The following CD200R1L variants were observed in gnomAD, a reference collection of about 807,000 sequenced individuals.
CD200R1L encodes the protein CD200 receptor 1 like.
A neutral mutation model predicts 24.8 loss-of-function variants in CD200R1L; 14 were observed. That is an observed-to-expected ratio of 0.56 (90% CI 0.37 to 0.88). CD200R1L has a LOEUF of 0.88. Among genes scored for constraint, CD200R1L ranks in the 40% least tolerant of loss-of-function variants. The probability of loss-of-function intolerance (pLI) is 0.00; values close to 1 mark genes in which losing one functional copy is unlikely to be tolerated. For synonymous variants in CD200R1L, 111 were observed against 109.2 expected (o/e 1.02, Z -0.11); for missense variants, 299 against 297.8 (o/e 1.00, Z -0.03).
chr3:112,822,379 C>T (rs937515171), intron 6 of CD200R1L, among the ~76,000 whole-genome samples: 3 of 152,164 alleles, frequency 2.0e-5, no homozygotes, highest in Admixed American at 6.5e-5. Context: ...CCCACACCAC[C>T]ACTCTCCCCT....
At chr3:112,844,792 C>T (rs1342616661) in intron 2 of CD200R1L, among the ~76,000 whole-genome samples, 7 of 152,020 alleles carry the variant, frequency 4.6e-5, no homozygotes, top group East Asian at 3.9e-4. Context: ...GGTGTGGTGG[C>T]GGGTGCCTGT....
At chr3:112,831,784 C>T (rs1012532707) in intron 3 of CD200R1L, among the ~76,000 whole-genome samples, 18 of 152,172 alleles carry the variant, frequency 1.2e-4, no homozygotes, top group Admixed American at 6.5e-4. Flanking sequence ...ACCTTGATCT[C>T]GGAGTTTTAG....
chr3:112,816,341 T>C (rs369105851), intron 7 of CD200R1L, among the ~76,000 whole-genome samples: 43 of 152,298 alleles, frequency 2.8e-4, no homozygotes, highest in African/African-American at 9.4e-4. Context: ...CTGATCTACA[T>C]GGTTCTCATC....
intron 6 of CD200R1L, 36 bp downstream of exon 6, chr3:112,826,957 A>G (rs1480128000): frequency 6.6e-7 from 1 of 1,516,412 alleles, no homozygotes; most frequent in South Asian, 1.3e-5. Context: ...AAAGTTGAGC[A>G]TCAAGTTTAC....
intron 6 of CD200R1L, 37 bp from the exon 7 acceptor site, chr3:112,819,932 C>T: frequency 6.5e-7 from 1 of 1,532,762 alleles, no homozygotes; most frequent in Non-Finnish European, 8.7e-7. Flanking sequence ...TCATTTCAAG[C>T]ATTCTTCTAG....
intron 2 of CD200R1L, among the ~76,000 whole-genome samples, chr3:112,838,954 A>C (rs1005115890): frequency 4.6e-5 from 7 of 152,216 alleles, no homozygotes; most frequent in Non-Finnish European, 7.3e-5. Flanking sequence ...TAGTTGCATT[A>C]GTTTCTGCCC....
At chr3:112,822,139 C>T (rs972957267) in intron 6 of CD200R1L, among the ~76,000 whole-genome samples, 1 of 152,174 alleles carries the variant, frequency 6.6e-6, no homozygotes. Flanking sequence ...TGCTGAGAGT[C>T]ACAGAAGTAA....
intron 6 of CD200R1L, among the ~76,000 whole-genome samples, chr3:112,820,145 C>T (rs2078008): frequency 0.25 from 38,545 of 152,082 alleles, 5,452 homozygotes; most frequent in African/African-American, 0.37. Flanking sequence ...ATGCACACTA[C>T]GCATTGCTAA....
intron 6 of CD200R1L, among the ~76,000 whole-genome samples, chr3:112,821,294 C>T (rs1359060945): frequency 6.6e-6 from 1 of 152,154 alleles, no homozygotes; most frequent in Middle Eastern, 3.2e-3. Flanking sequence ...AGAAGTCAGA[C>T]TCATACAAAT....
chr3:112,826,625 A>ATTCCTTG (rs1477692828), intron 6 of CD200R1L, among the ~76,000 whole-genome samples: 1 of 152,196 alleles, frequency 6.6e-6, no homozygotes, highest in Non-Finnish European at 1.5e-5. Context: ...GACGGGAAGA[A>ATTCCTTG]TTACTTGTCT....
chr3:112,821,430 T>C (rs990729693), intron 6 of CD200R1L, among the ~76,000 whole-genome samples: 2 of 152,234 alleles, frequency 1.3e-5, no homozygotes, highest in African/African-American at 2.4e-5. Flanking sequence ...CCTAAGCAGA[T>C]AGCTACAGAT....
chr3:112,831,024 G>T (rs1034944750), intron 3 of CD200R1L, among the ~76,000 whole-genome samples: 4 of 152,154 alleles, frequency 2.6e-5, no homozygotes, highest in Non-Finnish European at 5.9e-5. Context: ...GGGGAGGCAT[G>T]GTTACCTCAT....
intron 6 of CD200R1L, among the ~76,000 whole-genome samples, chr3:112,826,755 T>C (rs1938664994): frequency 6.6e-6 from 1 of 152,156 alleles, no homozygotes; most frequent in Admixed American, 6.5e-5. Flanking sequence ...TCTTGATATT[T>C]CATATCAAGA....
chr3:112,836,087 G>A (rs1938936155), intron 3 of CD200R1L, among the ~76,000 whole-genome samples: 1 of 152,224 alleles, frequency 6.6e-6, no homozygotes. Context: ...GGTGCTTGTG[G>A]GCTCCCAGGA....
At chr3:112,823,761 C>T (rs1373711748) in intron 6 of CD200R1L, among the ~76,000 whole-genome samples, 3 of 152,106 alleles carry the variant, frequency 2.0e-5, no homozygotes, top group Non-Finnish European at 4.4e-5. Flanking sequence ...AGGAACTGAT[C>T]AAATGCAATG....
intron 2 of CD200R1L, 102 bp downstream of exon 2, chr3:112,845,577 C>G: frequency 1.1e-6 from 1 of 945,166 alleles, no homozygotes; most frequent in South Asian, 1.5e-5. Flanking sequence ...GCTGCTAGGA[C>G]AAGTCAAGAA....
chr3:112,845,184 A>G (rs1189142922), intron 2 of CD200R1L, among the ~76,000 whole-genome samples: 1 of 152,198 alleles, frequency 6.6e-6, no homozygotes, highest in Non-Finnish European at 1.5e-5. Flanking sequence ...AATAACTACA[A>G]TCAGATATTA....
chr3:112,822,785 T>A (rs1938566170), intron 6 of CD200R1L, among the ~76,000 whole-genome samples: 1 of 152,234 alleles, frequency 6.6e-6, no homozygotes, highest in Non-Finnish European at 1.5e-5. Flanking sequence ...ACCTGAGTTA[T>A]GTAAACAAGC....
chr3:112,838,183 G>T (rs1210520429), intron 2 of CD200R1L, among the ~76,000 whole-genome samples, 173 bp from the exon 3 acceptor site: 3 of 146,322 alleles, frequency 2.1e-5, no homozygotes, highest in Admixed American at 2.0e-4. Flanking sequence ...TCAGCAGTGA[G>T]ACCATAACTA....
Sources: allele counts gnomAD v4.1 joint callset (sites outside exome capture counted in the v4.1 genomes callset), GRCh38; gene constraint gnomAD v4.1.1; transcripts MANE v1.5; gene names NCBI Gene and HGNC (gene_info 2026-07-23, HGNC 2026-07-21).